Variants in TSNAX observed in about 807,000 individuals in gnomAD.
TSNAX encodes translin associated factor X, also known as translin-associated protein X.
A neutral mutation model predicts 33.0 loss-of-function variants in TSNAX; 12 were observed. The observed-to-expected ratio is 0.36, with a 90% CI of 0.23 to 0.59. TSNAX has a LOEUF of 0.59. TSNAX is among the 20% of genes least tolerant of loss of function. The probability of loss-of-function intolerance (pLI) is 0.74; values close to 1 mark genes in which losing one functional copy is unlikely to be tolerated. For missense variants in TSNAX, 267 were observed against 341.3 expected, an observed-to-expected ratio of 0.78 and a Z score of 1.72; for synonymous variants, 110 against 117.2, an observed-to-expected ratio of 0.94 and a Z score of 0.40.
At chr1:231,542,782 GT>G (rs144760196) in intron 4 of TSNAX, 171 bp downstream of exon 4, 29 of 693,244 alleles carry the variant, frequency 4.2e-5, no homozygotes, top group East Asian at 2.0e-4. Context: ...TTGGCTTTAT[GT>G]TTTTTTTAAC....
intron 3 of TSNAX, among the ~76,000 whole-genome samples, chr1:231,541,208 CT>C (rs1183585927): frequency 6.6e-6 from 1 of 151,922 alleles, no homozygotes; most frequent in Non-Finnish European, 1.5e-5. Flanking sequence ...TTAGCTATGC[CT>C]TTTTTGTTTT....
intron 4 of TSNAX, among the ~76,000 whole-genome samples, chr1:231,553,812 G>A (rs943167278): frequency 2.0e-5 from 3 of 151,210 alleles, no homozygotes; most frequent in Admixed American, 1.3e-4. Flanking sequence ...TCAGCCTCCC[G>A]AGTAGCTGGG....
chr1:231,543,713 A>G (rs1659723658), intron 4 of TSNAX, among the ~76,000 whole-genome samples: 2 of 152,230 alleles, frequency 1.3e-5, no homozygotes, highest in East Asian at 3.8e-4. Context: ...AAGTACCAGC[A>G]TACATTAGTT....
At chr1:231,532,102 G>A (rs1572096917) in intron 2 of TSNAX, among the ~76,000 whole-genome samples, 2 of 128,630 alleles carry the variant, frequency 1.6e-5, no homozygotes, top group South Asian at 5.4e-4. Context: ...TGAGGTGATG[G>A]ATACGTTAAT....
intron 2 of TSNAX, chr1:231,536,827 ATC>A (rs1659207353): frequency 1.3e-5 from 2 of 151,306 alleles, no homozygotes; most frequent in African/African-American, 4.9e-5. Context: ...ACATTGTGAC[ATC>A]TTTTTTTTTT....
At chr1:231,535,178 T>C (rs1283596080) in intron 2 of TSNAX, 1 of 152,214 alleles carries the variant, frequency 6.6e-6, no homozygotes, top group African/African-American at 2.4e-5. Context: ...TTCTAGATTC[T>C]GCGGGTTATT....
intron 3 of TSNAX, 80 bp downstream of exon 3, chr1:231,537,407 C>T: frequency 1.1e-6 from 1 of 919,640 alleles, no homozygotes; most frequent in Non-Finnish European, 1.7e-6. Context: ...GATTAGAAGA[C>T]ATCAGCAGTA....
At position 231,550,029 on chromosome 1, in the gene TSNAX, A is replaced by G. The variant is rs948317219; in HGVS notation, c.367+7418A>G. Among the ~76,000 whole-genome samples the G allele has an allele frequency of 1.4e-4, 21 of 152,310 alleles. No individual in the cohort carries two copies. In the South Asian group the frequency reaches 3.3e-3, roughly 24 times the overall value. On this transcript the variant is annotated intron_variant, in intron 4 of 5. Coordinates refer to ENST00000366639, the MANE Select transcript of TSNAX (RefSeq NM_005999.3). ...TTCACATGGCCTTGTGCACACGTGC[A>G]CACACATCTCTGTTGTCCCTGTGTG...
intron 2 of TSNAX, among the ~76,000 whole-genome samples, chr1:231,532,180 A>ACACACAG (rs1658794268): frequency 1.0e-5 from 1 of 95,994 alleles, no homozygotes; most frequent in Non-Finnish European, 2.4e-5. Context: ...ACACACACAC[A>ACACACAG]CACACAGTTT....
At position 231,566,184 on chromosome 1, in the gene TSNAX, T is replaced by C. The variant is rs182395025; in HGVS notation, c.*1279T>C. The stretch of plus-strand genomic sequence containing the variant: ...GAAATACTAAGTTAATCCAGACCTT[T>C]AGTTGTCCCATGGTGTTAATAAAGT... On this transcript the variant is annotated 3_prime_UTR_variant, in exon 6 of 6. Transcript: ENST00000366639. 1 of 152,740 alleles carries C rather than the reference T, an allele frequency of 6.5e-6. No homozygotes were observed. Among genetic ancestry groups the C allele is most frequent in the East Asian group, 1.9e-4 (1 of 5,186 alleles). The allele number at this position is 152,740 out of a possible 1,614,324, so 9.5% of individuals were successfully genotyped here.
chr1:231,529,090 G>T (rs1658469880), intron 1 of TSNAX, among the ~76,000 whole-genome samples, 165 bp from the exon 2 acceptor site: 1 of 152,198 alleles, frequency 6.6e-6, no homozygotes, highest in Non-Finnish European at 1.5e-5. Flanking sequence ...TGGATGATTT[G>T]CTTGGAAAGG....
intron 5 of TSNAX, among the ~76,000 whole-genome samples, chr1:231,561,727 A>T (rs1281623902): frequency 2.0e-5 from 3 of 152,074 alleles, no homozygotes; most frequent in African/African-American, 4.8e-5. Context: ...GCCCTTGTCC[A>T]CTCTGCCAGC....
chr1:231,546,789 A>G (rs1193391592), intron 4 of TSNAX, among the ~76,000 whole-genome samples: 2 of 152,208 alleles, frequency 1.3e-5, no homozygotes, highest in African/African-American at 2.4e-5. Flanking sequence ...TCACAGATCC[A>G]TGCTCTCTGG....
chr1:231,545,734 T>G (rs1324885121), intron 4 of TSNAX, among the ~76,000 whole-genome samples: 1 of 152,228 alleles, frequency 6.6e-6, no homozygotes, highest in African/African-American at 2.4e-5. Flanking sequence ...TTTAATTCTT[T>G]TATCCAAGAA....
intron 2 of TSNAX, chr1:231,535,017 TGAG>T (rs897839948): frequency 6.6e-6 from 1 of 152,086 alleles, no homozygotes; most frequent in Non-Finnish European, 1.5e-5. Context: ...TGTGAGATGA[TGAG>T]AGGCAGTAGC....
At chr1:231,555,687 G>A (rs1021588598) in intron 4 of TSNAX, among the ~76,000 whole-genome samples, 1 of 152,312 alleles carries the variant, frequency 6.6e-6, no homozygotes, top group Admixed American at 6.5e-5. Flanking sequence ...AATTCATTTT[G>A]TTGGGAGTAA....
chr1:231,530,710 CAAAAAAA>C (rs59803472), intron 2 of TSNAX, among the ~76,000 whole-genome samples: 1 of 73,214 alleles, frequency 1.4e-5, no homozygotes, highest in Non-Finnish European at 2.9e-5. Context: ...GGCTCCGTCT[CAAAAAAA>C]AAAAAAAAAA....
At chr1:231,532,973 T>TC (rs1375715569) in intron 2 of TSNAX, among the ~76,000 whole-genome samples, 1 of 152,222 alleles carries the variant, frequency 6.6e-6, no homozygotes, top group Non-Finnish European at 1.5e-5. Context: ...CCCTTTTTTT[T>TC]CCTTTCATAA....
At chr1:231,554,248 G>A (rs1162878861) in intron 4 of TSNAX, among the ~76,000 whole-genome samples, 1 of 151,870 alleles carries the variant, frequency 6.6e-6, no homozygotes, top group Non-Finnish European at 1.5e-5. Flanking sequence ...TTGTTAGAAA[G>A]TATTTTAACT....
Sources: gnomAD v4.1 joint callset for allele counts (sites outside exome capture counted in the v4.1 genomes callset) on GRCh38, gnomAD v4.1.1 for gene constraint, MANE v1.5 for transcripts, NCBI Gene and HGNC (gene_info 2026-07-23, HGNC 2026-07-21) for gene names.